MLLT10: variants seen among roughly 807,000 people sequenced by gnomAD.
The protein encoded by MLLT10 is protein AF-10.
A neutral mutation model predicts 129.1 loss-of-function variants in MLLT10; 30 were observed. That is an observed-to-expected ratio of 0.23 (90% CI 0.17 to 0.32). The LOEUF is 0.32. Among genes scored for constraint, MLLT10 ranks in the 10% least tolerant of loss-of-function variants. The pLI, the probability that MLLT10 is intolerant of heterozygous loss-of-function variation, is 1.00. For synonymous variants in MLLT10, 490 were observed against 446.4 expected (o/e 1.10, Z -1.23); for missense variants, 1,119 against 1,268.3 (o/e 0.88, Z 1.79).
At chr10:21,722,027 GTA>G (rs1443407401) in intron 14 of MLLT10, among the ~76,000 whole-genome samples, 2 of 151,654 alleles carry the variant, frequency 1.3e-5, no homozygotes, top group Non-Finnish European at 2.9e-5. Flanking sequence ...ATCCATATAT[GTA>G]TATATAATCC....
Position 21,720,416 on chromosome 10 carries a change from A to G in MLLT10, c.1879-5828A>G, listed in dbSNP as rs1369026612. On this transcript the variant is annotated intron_variant, in intron 14 of 22. Coordinates refer to ENST00000307729, the MANE Select transcript of MLLT10 (RefSeq NM_001195626.3). ...TAGCTGACACAGAAATGGGTCTGCT[A>G]TCAGAATATGTTCTTAGTAAATATA... Among the ~76,000 whole-genome samples, 4 of 152,258 alleles carry G rather than the reference A, an allele frequency of 2.6e-5. 1 individual carries two copies. Among genetic ancestry groups the G allele is most frequent in the Admixed American group, 2.0e-4 (3 of 15,286 alleles).
At position 21,538,475 on chromosome 10, in the gene MLLT10, A is replaced by AT. The variant is rs34382354; in HGVS notation, c.161-346dup. Among the ~76,000 whole-genome samples the AT allele has an allele frequency of 4.5e-3, 661 of 146,162 alleles. 2 individuals carry two copies. Among genetic ancestry groups the AT allele is most frequent in the Non-Finnish European group, 6.6e-3 (433 of 66,024 alleles). Reference sequence around the variant, plus strand: ...ACTGCGCCTGGCCTAATTAAAAAAAATTTTTTTTTTTTGTGGAGATGGAGT... The same window carrying AT: ...ACTGCGCCTGGCCTAATTAAAAAAAATTTTTTTTTTTTTGTGGAGATGGAGT... On this transcript the variant is annotated intron_variant, in intron 2 of 22. Transcript: ENST00000307729.
At chr10:21,620,459 T>G (rs1743444605) in intron 8 of MLLT10, among the ~76,000 whole-genome samples, 1 of 152,176 alleles carries the variant, frequency 6.6e-6, no homozygotes, top group Non-Finnish European at 1.5e-5. Context: ...CAGGATAAAC[T>G]TTTCGTAAGT....
At chr10:21,723,726 G>A (rs1279101887) in intron 14 of MLLT10, among the ~76,000 whole-genome samples, 2 of 152,092 alleles carry the variant, frequency 1.3e-5, no homozygotes, top group Admixed American at 6.6e-5. Context: ...AGACTGTCTC[G>A]AGATAAGACT....
intron 8 of MLLT10, among the ~76,000 whole-genome samples, chr10:21,645,307 A>C (rs754553572): frequency 7.2e-5 from 11 of 151,970 alleles, no homozygotes; most frequent in Non-Finnish European, 1.5e-4. Context: ...TTGTTTTTTA[A>C]CTGGTTTCTG....
At chr10:21,632,101 A>G (rs2047065197) in intron 8 of MLLT10, among the ~76,000 whole-genome samples, 1 of 152,176 alleles carries the variant, frequency 6.6e-6, no homozygotes, top group Non-Finnish European at 1.5e-5. Context: ...GCTTAAATAA[A>G]TAACTTGTTA....
At chr10:21,741,866 C>T (rs1328325404) in intron 22 of MLLT10, 73 bp from the exon 23 acceptor site, 1 of 1,489,978 alleles carries the variant, frequency 6.7e-7, no homozygotes, top group African/African-American at 1.5e-5. Context: ...TTATCTCAGT[C>T]ACAGTTTCAA....
chr10:21,562,542 TG>T, intron 3 of MLLT10, among the ~76,000 whole-genome samples: 1 of 151,918 alleles, frequency 6.6e-6, no homozygotes, highest in South Asian at 2.1e-4. Flanking sequence ...TTTACCATGT[TG>T]GCGAGGCTGG....
intron 5 of MLLT10, among the ~76,000 whole-genome samples, chr10:21,598,572 A>G (rs1384421526): frequency 1.3e-5 from 2 of 152,120 alleles, no homozygotes; most frequent in African/African-American, 2.4e-5. Context: ...ATTCACATCT[A>G]TTGTTTCTAT....
chr10:21,650,493 A>G (rs948401298), intron 8 of MLLT10, among the ~76,000 whole-genome samples: 17 of 152,182 alleles, frequency 1.1e-4, no homozygotes, highest in African/African-American at 3.9e-4. Flanking sequence ...GTATTAAAGT[A>G]AAACATCTGT....
chr10:21,728,676 G>GT (rs1224605893), intron 16 of MLLT10, among the ~76,000 whole-genome samples: 1 of 152,116 alleles, frequency 6.6e-6, no homozygotes, highest in Non-Finnish European at 1.5e-5. Context: ...ACAATGGAGA[G>GT]TAAGAGAAAA....
At chr10:21,733,185 A>T in intron 18 of MLLT10, 98 bp downstream of exon 18, 2 of 1,232,362 alleles carry the variant, frequency 1.6e-6, no homozygotes, top group Non-Finnish European at 2.2e-6. Context: ...TTATATGAAG[A>T]TGTAGAAAAG....
chr10:21,561,046 T>C (rs1427012360), intron 3 of MLLT10, among the ~76,000 whole-genome samples: 4 of 152,196 alleles, frequency 2.6e-5, no homozygotes, highest in Non-Finnish European at 5.9e-5. Context: ...TTCTGTGTGT[T>C]GTCTTTTCGC....
chr10:21,605,621 T>C (rs982054614), intron 5 of MLLT10, among the ~76,000 whole-genome samples: 3 of 152,014 alleles, frequency 2.0e-5, no homozygotes, highest in African/African-American at 7.2e-5. Flanking sequence ...TTTTATTGTT[T>C]ATAGTGACTG....
At chr10:21,546,499 G>C (rs1248850277) in intron 3 of MLLT10, among the ~76,000 whole-genome samples, 1 of 151,850 alleles carries the variant, frequency 6.6e-6, no homozygotes, top group Non-Finnish European at 1.5e-5. Context: ...CCGCCTCCCA[G>C]GTTCAAGCGA....
chr10:21,566,331 A>C (rs995212413), intron 3 of MLLT10, among the ~76,000 whole-genome samples: 53 of 133,778 alleles, frequency 4.0e-4, no homozygotes, highest in East Asian at 6.5e-4. Context: ...ACTCCCCCCC[A>C]CCCCCTTTTT....
Position 21,701,895 on chromosome 10 carries a change from TTTCTC to T in MLLT10, c.1700-11861_1700-11857del, listed in dbSNP as rs538238777. 5.3e-3 allele frequency among the ~76,000 whole-genome samples: 795 copies of T among 151,032 alleles called. 4 individuals carry two copies. Among genetic ancestry groups the T allele is most frequent in the Non-Finnish European group, 8.6e-3 (584 of 67,630 alleles). ...TGAGCCACCGCACCTGGTTATGTTATTTCTCTTCTCTTCTCTTCTCGTCTCGTCTC... is the reference window on the plus strand; with the variant it reads ...TGAGCCACCGCACCTGGTTATGTTATTTCTCTTCTCTTCTCGTCTCGTCTC... On this transcript the variant is annotated intron_variant, in intron 13 of 22. Transcript: ENST00000307729.
At chr10:21,671,299 G>A (rs1021577956) in intron 10 of MLLT10, among the ~76,000 whole-genome samples, 7 of 152,190 alleles carry the variant, frequency 4.6e-5, no homozygotes, top group Non-Finnish European at 8.8e-5. Flanking sequence ...TTACAGGTGT[G>A]AGATACTGTT....
chr10:21,690,500 G>T (rs1056700018), intron 13 of MLLT10, among the ~76,000 whole-genome samples: 4 of 152,038 alleles, frequency 2.6e-5, no homozygotes, highest in Non-Finnish European at 4.4e-5. Flanking sequence ...TCTTTTTAGT[G>T]TACTTCAGAA....
Sources: gnomAD v4.1 joint callset for allele counts (sites outside exome capture counted in the v4.1 genomes callset) on GRCh38, gnomAD v4.1.1 for gene constraint, MANE v1.5 for transcripts, NCBI Gene and HGNC (gene_info 2026-07-23, HGNC 2026-07-21) for gene names.